The following CSMD1 variants were observed in gnomAD, a reference collection of about 807,000 sequenced individuals.
The protein encoded by CSMD1 is CUB and sushi domain-containing protein 1.
Under a neutral mutation model 417.5 loss-of-function variants are expected in CSMD1, and 213 were observed. That is an observed-to-expected ratio of 0.51 (90% confidence interval 0.46 to 0.57). CSMD1 has a LOEUF of 0.57. Ranked by LOEUF, CSMD1 falls within the 20% of genes least tolerant of loss-of-function variation. CSMD1 has a pLI of 0.00. For synonymous variants in CSMD1, 2,862 were observed against 1,736.8 expected, an observed-to-expected ratio of 1.65 and a Z score of -16.11; for missense variants, 6,923 against 4,529.7, an observed-to-expected ratio of 1.53 and a Z score of -15.17.
intron 1 of CSMD1, among the ~76,000 whole-genome samples, chr8:4,920,805 A>T (rs1275679353): frequency 6.6e-6 from 1 of 150,678 alleles, no homozygotes; most frequent in Non-Finnish European, 1.5e-5. Flanking sequence ...CCTGGGCAAC[A>T]AGAGCAAAAC....
At chr8:4,094,658 C>G (rs912805003) in intron 3 of CSMD1, among the ~76,000 whole-genome samples, 27 of 152,096 alleles carry the variant, frequency 1.8e-4, no homozygotes, top group African/African-American at 6.0e-4. Context: ...GAAGTAGCGA[C>G]CGCACTTCAG....
At chr8:4,847,448 A>C (rs367579789) in intron 1 of CSMD1, among the ~76,000 whole-genome samples, 1 of 152,274 alleles carries the variant, frequency 6.6e-6, no homozygotes, top group South Asian at 2.1e-4. Context: ...AATTGTGTAG[A>C]TTGTACAGAG....
rs1796455018 is a variant in CSMD1, at chr8:4,768,787, G to C, written c.86-131229C>G. Among the ~76,000 whole-genome samples, 4 of 152,196 alleles carry C rather than the reference G, an allele frequency of 2.6e-5. No homozygotes were observed. The South Asian group carries it at 8.3e-4, about 32-fold the overall frequency. ...GTTTACAGTATAGGCACATCTTATG[G>C]GAAGAGAGGAATTAATAAAACAAAT... On this transcript the variant is annotated intron_variant, in intron 1 of 69. Transcript: ENST00000635120.
chr8:4,598,923 A>C (rs1256447132), intron 2 of CSMD1, among the ~76,000 whole-genome samples: 1 of 152,214 alleles, frequency 6.6e-6, no homozygotes, highest in East Asian at 1.9e-4. Context: ...TCTTCAAAAA[A>C]ACAATAATTT....
chr8:4,855,675 T>G (rs1427173670), intron 1 of CSMD1, among the ~76,000 whole-genome samples: 1 of 151,770 alleles, frequency 6.6e-6, no homozygotes, highest in South Asian at 2.1e-4. Context: ...CGATGGAAGA[T>G]GAAATGAATG....
intron 1 of CSMD1, among the ~76,000 whole-genome samples, chr8:4,883,137 C>A (rs1355511943): frequency 1.3e-5 from 2 of 152,022 alleles, no homozygotes; most frequent in African/African-American, 4.8e-5. Context: ...TTTAAGAATT[C>A]AATATCGCAA....
At chr8:3,396,914 A>G (rs1290643357) in intron 16 of CSMD1, among the ~76,000 whole-genome samples, 1 of 152,188 alleles carries the variant, frequency 6.6e-6, no homozygotes, top group Admixed American at 6.6e-5. Context: ...TTAAATTGCA[A>G]TAACTCTTTC....
In CSMD1 at chr8:3,931,551, C is replaced by T. The variant is rs984553339; in HGVS notation, c.818+66352G>A. 1.0e-4 allele frequency among the ~76,000 whole-genome samples: 15 copies of T among 150,114 alleles called. 1 individual carries two copies. The highest frequency in any genetic ancestry group is 3.4e-4 in the African/African-American group (14 of 40,650). On this transcript the variant is annotated intron_variant, in intron 5 of 69. Coordinates refer to ENST00000635120, the MANE Select transcript of CSMD1 (RefSeq NM_033225.6). ...TACAGTAAATTTGTTTAACAAACTTCTTGTGGAGGGAGGTCAGGCAGCAGT... is the reference window on the plus strand; with the variant it reads ...TACAGTAAATTTGTTTAACAAACTTTTTGTGGAGGGAGGTCAGGCAGCAGT...
In CSMD1 at chr8:4,717,307, C is replaced by T. The variant is rs554466300; in HGVS notation, c.86-79749G>A. Among the ~76,000 whole-genome samples, 69 of 99,808 alleles carry T rather than the reference C, an allele frequency of 6.9e-4. 1 individual carries two copies. The highest frequency in any genetic ancestry group is 9.7e-4 in the African/African-American group (14 of 14,442). The allele number at this position is 99,808 out of a possible 152,430, so 65.5% of individuals were successfully genotyped here. On this transcript the variant is annotated intron_variant, in intron 1 of 69. Coordinates refer to ENST00000635120, the MANE Select transcript of CSMD1 (RefSeq NM_033225.6). ...TGACCCTGCCCTTCTCTCTCTCTCT[C>T]TCCATATATATATATATATACACAC...
At position 4,751,386 on chromosome 8, in the gene CSMD1, G is replaced by A. The variant is rs181513799; in HGVS notation, c.86-113828C>T. On this transcript the variant is annotated intron_variant, in intron 1 of 69. Coordinates refer to ENST00000635120, the MANE Select transcript of CSMD1 (RefSeq NM_033225.6). ...AGCCTGGACGACAGAGCAAGACTCT[G>A]TCTCAGGGGGGGTGGCGGGGCAGGA... is the stretch of plus-strand genomic sequence containing the variant. Among the ~76,000 whole-genome samples, 342 of 145,034 alleles carry A rather than the reference G, an allele frequency of 2.4e-3. 6 individuals are homozygous for A. The East Asian group carries it at 0.024, about 10-fold the overall frequency.
At chr8:3,664,305 C>G (rs1585039427) in intron 7 of CSMD1, among the ~76,000 whole-genome samples, 1 of 152,132 alleles carries the variant, frequency 6.6e-6, no homozygotes, top group Admixed American at 6.6e-5. Context: ...GTCCTTGCAA[C>G]TGTTTGCTCA....
Position 3,930,160 on chromosome 8 carries a change from C to G in CSMD1, c.818+67743G>C, listed in dbSNP as rs565005617. On this transcript the variant is annotated intron_variant, in intron 5 of 69. Coordinates refer to ENST00000635120, the MANE Select transcript of CSMD1 (RefSeq NM_033225.6). ...CTACCATTGTAAATAAGCTCTATTC[C>G]AGTGAGAACATCAGTTATACTTGCC... is the stretch of plus-strand genomic sequence containing the variant. Among the ~76,000 whole-genome samples, 4 of 150,116 alleles carry G rather than the reference C, an allele frequency of 2.7e-5. No homozygotes were observed. The South Asian group carries it at 8.7e-4, about 33-fold the overall frequency.
rs140697827 is a variant in CSMD1, at chr8:3,627,004, T to C, written c.1010-10207A>G. 6.5e-3 allele frequency among the ~76,000 whole-genome samples: 991 copies of C among 152,054 alleles called. 6 individuals carry two copies. Among genetic ancestry groups the C allele is most frequent in the African/African-American group, 0.023 (960 of 41,530 alleles). ...CCATAGTACGATATATAAAAGGAAA[T>C]AAGTTCAAGTATTTCCTCAGGAGTT... On this transcript the variant is annotated intron_variant, in intron 7 of 69. Coordinates refer to ENST00000635120, the MANE Select transcript of CSMD1 (RefSeq NM_033225.6).
chr8:4,804,596 G>T (rs1798487508), intron 1 of CSMD1, among the ~76,000 whole-genome samples: 1 of 151,968 alleles, frequency 6.6e-6, no homozygotes, highest in East Asian at 1.9e-4. Flanking sequence ...AGGAAGGAAG[G>T]AAAGTACGAA....
intron 3 of CSMD1, among the ~76,000 whole-genome samples, chr8:4,092,313 C>A (rs755593697): frequency 6.6e-6 from 1 of 152,138 alleles, no homozygotes; most frequent in Non-Finnish European, 1.5e-5. Context: ...TTCCTGGCTT[C>A]GTCCTTTCCT....
rs143829297 is a variant in CSMD1 at position 4,283,309 on chromosome 8, T to C, written c.415+136644A>G. Among the ~76,000 whole-genome samples the C allele has an allele frequency of 6.6e-5, 10 of 152,336 alleles. No homozygotes were observed. In the South Asian group the frequency reaches 1.2e-3, roughly 19 times the overall value. On this transcript the variant is annotated intron_variant, in intron 3 of 69. Transcript: ENST00000635120. The stretch of plus-strand genomic sequence containing the variant: ...TGTGACATTTGATTTTGTTTATTGA[T>C]TTGTAGCTTCAGTTCTCCTTCACTG...
rs902458657 is a variant in CSMD1 at position 3,931,182 on chromosome 8, C to T, written c.818+66721G>A. On this transcript the variant is annotated intron_variant, in intron 5 of 69. Transcript: ENST00000635120. ...TCTGCATCTTTTAAAGCATCTTCCC[C>T]TCATATCCATTTAGGAAGACACTAA... 9.9e-5 allele frequency among the ~76,000 whole-genome samples: 15 copies of T among 150,770 alleles called. 1 individual carries two copies. The highest frequency in any genetic ancestry group is 1.8e-4 in the Non-Finnish European group (12 of 67,576).
chr8:3,000,869 A>G (rs2128955837), intron 52 of CSMD1, among the ~76,000 whole-genome samples: 1 of 152,338 alleles, frequency 6.6e-6, no homozygotes, highest in African/African-American at 2.4e-5. Flanking sequence ...GGGAGACAGA[A>G]TGTCCATGTA....
chr8:3,223,321 A>G (rs1433252835), intron 28 of CSMD1, among the ~76,000 whole-genome samples: 1 of 152,186 alleles, frequency 6.6e-6, no homozygotes, highest in Non-Finnish European at 1.5e-5. Flanking sequence ...TTATAATGAT[A>G]TTAGCAGTGC....
Sources: allele counts gnomAD v4.1 joint callset (sites outside exome capture counted in the v4.1 genomes callset), GRCh38; gene constraint gnomAD v4.1.1; transcripts MANE v1.5; gene names NCBI Gene and HGNC (gene_info 2026-07-23, HGNC 2026-07-21).